TEC: variants seen among roughly 807,000 people sequenced by gnomAD.
TEC encodes the protein tyrosine-protein kinase Tec.
TEC carries 72 observed loss-of-function variants against 93.0 expected under a neutral mutation model. The ratio of observed to expected loss-of-function variants is 0.77; its 90% CI spans 0.64 to 0.94. The LOEUF (loss-of-function observed/expected upper bound fraction) is 0.94. Ranked by LOEUF, TEC falls within the 40% of genes least tolerant of loss-of-function variation. The pLI, the probability that TEC is intolerant of heterozygous loss-of-function variation, is 0.00. For missense variants in TEC, 630 were observed against 757.9 expected (o/e 0.83, Z 1.98); for synonymous variants, 249 against 247.7 (o/e 1.01, Z -0.05).
At chr4:48,194,568 G>T (rs550479022) in intron 2 of TEC, among the ~76,000 whole-genome samples, 1 of 152,108 alleles carries the variant, frequency 6.6e-6, no homozygotes, top group Admixed American at 6.5e-5. Context: ...TGTTTTCAAT[G>T]AATACAGTCA....
At chr4:48,187,238 TC>T (rs1489474406) in intron 2 of TEC, among the ~76,000 whole-genome samples, 2 of 152,086 alleles carry the variant, frequency 1.3e-5, no homozygotes, top group Admixed American at 6.5e-5. Context: ...GGCAGCATGC[TC>T]GTTAAGAGTC....
At chr4:48,219,095 A>G (rs1723170541) in intron 2 of TEC, among the ~76,000 whole-genome samples, 3 of 152,244 alleles carry the variant, frequency 2.0e-5, no homozygotes, top group African/African-American at 7.2e-5. Flanking sequence ...TCATTATTAT[A>G]AACATTATTA....
chr4:48,186,164 C>G (rs1027868253), intron 2 of TEC, among the ~76,000 whole-genome samples: 3 of 152,222 alleles, frequency 2.0e-5, no homozygotes, highest in Non-Finnish European at 4.4e-5. Context: ...AGGTGCTCAA[C>G]GTTGCCCAGG....
rs192080954 is a variant in TEC at position 48,227,352 on chromosome 4, C to G, written c.138+1125G>C. Among the ~76,000 whole-genome samples, 220 of 152,106 alleles carry G rather than the reference C, an allele frequency of 1.4e-3. 1 individual carries two copies. The highest frequency in any genetic ancestry group is 5.2e-3 in the African/African-American group (215 of 41,494). On this transcript the variant is annotated intron_variant, in intron 2 of 17. Coordinates refer to ENST00000381501, the MANE Select transcript of TEC (RefSeq NM_003215.3). ...CTCTAGAAAAAAAACAGAATGAAAA[C>G]TAAACCAGGGCCGGGTGCAGTGGCT...
At chr4:48,213,321 C>T (rs1368613704) in intron 2 of TEC, among the ~76,000 whole-genome samples, 1 of 152,062 alleles carries the variant, frequency 6.6e-6, no homozygotes, top group Non-Finnish European at 1.5e-5. Context: ...CAGGGGCTTA[C>T]CAATGTAGAA....
chr4:48,143,358 C>A (rs2109505589), intron 14 of TEC, among the ~76,000 whole-genome samples: 1 of 152,306 alleles, frequency 6.6e-6, no homozygotes, highest in South Asian at 2.1e-4. Flanking sequence ...ATCTGCCACA[C>A]CCACGTAGAT....
chr4:48,157,043 T>C (rs919661220), intron 8 of TEC, among the ~76,000 whole-genome samples: 10 of 152,186 alleles, frequency 6.6e-5, no homozygotes, highest in African/African-American at 2.4e-4. Flanking sequence ...TTTTTGCAAA[T>C]CAATATAGGT....
chr4:48,218,770 G>A (rs1261909233), intron 2 of TEC, among the ~76,000 whole-genome samples: 1 of 152,148 alleles, frequency 6.6e-6, no homozygotes, highest in Admixed American at 6.5e-5. Flanking sequence ...TATGACCCAG[G>A]AGAGCCTATA....
intron 8 of TEC, among the ~76,000 whole-genome samples, chr4:48,159,809 T>A (rs1298750607): frequency 6.6e-6 from 1 of 152,152 alleles, no homozygotes; most frequent in Non-Finnish European, 1.5e-5. Context: ...ACCCAAAGTA[T>A]TGGGATTACA....
At chr4:48,153,231 A>G (rs541632429) in intron 9 of TEC, among the ~76,000 whole-genome samples, 255 of 152,292 alleles carry the variant, frequency 1.7e-3, no homozygotes, top group African/African-American at 5.9e-3. Flanking sequence ...AAAAAAAAAA[A>G]AGAAATACTT....
chr4:48,228,024 G>A (rs1270409813), intron 2 of TEC, among the ~76,000 whole-genome samples: 2 of 152,130 alleles, frequency 1.3e-5, no homozygotes, highest in East Asian at 3.8e-4. Flanking sequence ...TTAAAAAAAT[G>A]AATGTTTAAA....
chr4:48,223,696 G>A (rs977360004), intron 2 of TEC, among the ~76,000 whole-genome samples: 18 of 152,172 alleles, frequency 1.2e-4, no homozygotes, highest in Non-Finnish European at 4.4e-5. Flanking sequence ...CCCAAGAAAG[G>A]CCTGTTTACA....
intron 2 of TEC, among the ~76,000 whole-genome samples, chr4:48,196,968 C>G (rs530999160): frequency 6.6e-6 from 1 of 152,260 alleles, no homozygotes; most frequent in South Asian, 2.1e-4. Context: ...TTCCTTTTTA[C>G]GTTAGGAACA....
chr4:48,253,690 T>C (rs2352597), intron 1 of TEC, among the ~76,000 whole-genome samples: 22,555 of 150,944 alleles, frequency 0.15, 2,014 homozygotes, highest in Non-Finnish European at 0.2. Flanking sequence ...TTCTCCTGCC[T>C]CAGCATCCCG....
intron 2 of TEC, among the ~76,000 whole-genome samples, chr4:48,207,618 CAAAAAA>C (rs34141042): frequency 0.01 from 1,033 of 102,514 alleles, 9 homozygotes; most frequent in Non-Finnish European, 0.015. Context: ...CATGTCTCTA[CAAAAAA>C]AAAAAAAAAA....
chr4:48,238,080 G>A (rs749739767), intron 1 of TEC, among the ~76,000 whole-genome samples: 2 of 152,002 alleles, frequency 1.3e-5, no homozygotes, highest in Non-Finnish European at 2.9e-5. Context: ...TTGTAAAAGG[G>A]GATTAAATAG....
chr4:48,242,658 C>T (rs76446980), intron 1 of TEC, among the ~76,000 whole-genome samples: 11,203 of 152,080 alleles, frequency 0.074, 540 homozygotes, highest in East Asian at 0.17. Context: ...CAGAGATGCC[C>T]CTGATGATGA....
Position 48,149,704 on chromosome 4 carries a change from C to T in TEC, c.873-14G>A, listed in dbSNP as rs745886913. The T allele has an allele frequency of 9.4e-6, 15 of 1,591,252 alleles. No homozygotes were observed. In the Middle Eastern group the frequency reaches 6.8e-4, roughly 72 times the overall value. ...GATGAACCTTCTCTAGAACAAAAAT[C>T]AAAATGTGTCAGAACCAAGTTGAAA... is the stretch of plus-strand genomic sequence containing the variant. On this transcript the variant is annotated splice_polypyrimidine_tract_variant and intron_variant, in intron 10 of 17. Transcript: ENST00000381501.
At chr4:48,201,825 G>A (rs762391434) in intron 2 of TEC, among the ~76,000 whole-genome samples, 26 of 152,284 alleles carry the variant, frequency 1.7e-4, no homozygotes, top group Non-Finnish European at 3.4e-4. Context: ...TGCCAGAGGA[G>A]GGGAGGAGAA....
Sources: gnomAD v4.1 joint callset for allele counts (sites outside exome capture counted in the v4.1 genomes callset) on GRCh38, gnomAD v4.1.1 for gene constraint, MANE v1.5 for transcripts, NCBI Gene and HGNC (gene_info 2026-07-23, HGNC 2026-07-21) for gene names.